The following SLC25A3 variants were observed in gnomAD, a reference collection of about 807,000 sequenced individuals.
SLC25A3 encodes solute carrier family 25 member 3, also known as phosphate transport protein.
SLC25A3 carries 14 observed loss-of-function variants against 37.1 expected under a neutral mutation model. The observed-to-expected ratio is 0.38, with a 90% CI of 0.25 to 0.59. SLC25A3 has a LOEUF of 0.59. Ranked by LOEUF, SLC25A3 falls within the 20% of genes least tolerant of loss-of-function variation. SLC25A3 has a pLI of 0.67. For synonymous variants in SLC25A3, 161 were observed against 168.7 expected, an observed-to-expected ratio of 0.95 and a Z score of 0.36; for missense variants, 385 against 458.1, an observed-to-expected ratio of 0.84 and a Z score of 1.46.
Position 98,601,606 on chromosome 12 carries a change from T to G in SLC25A3, c.*78T>G. On this transcript the variant is annotated 3_prime_UTR_variant, in exon 8 of 8. Coordinates refer to ENST00000552981, the MANE Select transcript of SLC25A3 (RefSeq NM_002635.4). Reference sequence around the variant, plus strand: ...AGTGCAAAAGGAACTTTTATATATTTGACAGTGTAGGAAATTGTCTATTCC... The same window carrying G: ...AGTGCAAAAGGAACTTTTATATATTGGACAGTGTAGGAAATTGTCTATTCC... 1 of 936,488 alleles carries G rather than the reference T, an allele frequency of 1.1e-6. No individual in the cohort carries two copies. The highest frequency in any genetic ancestry group is 1.7e-6 in the Non-Finnish European group (1 of 572,192). The allele number at this position is 936,488 out of a possible 1,614,324, so 58.0% of individuals were successfully genotyped here.
intron 4 of SLC25A3, 192 bp downstream of exon 4, chr12:98,598,227 C>T (rs2097594656): frequency 2.9e-6 from 2 of 680,904 alleles, no homozygotes; most frequent in Non-Finnish European, 4.9e-6. Flanking sequence ...TACAATTCTC[C>T]TTTTAATATA....
chr12:98,598,404 TATC>T, intron 4 of SLC25A3, 115 bp from the exon 5 acceptor site: 1 of 1,498,144 alleles, frequency 6.7e-7, no homozygotes, highest in Non-Finnish European at 9.1e-7. Flanking sequence ...ATATATTCCA[TATC>T]ATCGTGTGTT....
intron 5 of SLC25A3, 117 bp from the exon 6 acceptor site, chr12:98,599,838 A>G (rs753468565): frequency 9.7e-7 from 1 of 1,028,164 alleles, no homozygotes. Context: ...ACATGCATTT[A>G]TGCTGCCATT....
chr12:98,597,733 G>A (rs757124359), intron 3 of SLC25A3, 123 bp from the exon 4 acceptor site: 685 of 1,383,830 alleles, frequency 5.0e-4, no homozygotes, highest in Middle Eastern at 7.6e-4. Context: ...AGGAATTACT[G>A]TAGTTACCTT....
intron 2 of SLC25A3, 53 bp from the exon 3 acceptor site, chr12:98,595,674 C>T: frequency 6.2e-7 from 1 of 1,613,920 alleles, no homozygotes; most frequent in Non-Finnish European, 8.5e-7. Context: ...AAGTTTATGA[C>T]CAGTAACATG....
At chr12:98,595,620 T>C (rs764053764) in intron 2 of SLC25A3, 107 bp from the exon 3 acceptor site, 41 of 1,611,254 alleles carry the variant, frequency 2.5e-5, no homozygotes, top group South Asian at 1.1e-4. Context: ...TTATAAGATA[T>C]AGTCATCTAA....
intron 2 of SLC25A3, chr12:98,595,470 T>G: frequency 6.2e-7 from 1 of 1,613,746 alleles, no homozygotes; most frequent in Non-Finnish European, 8.5e-7. Context: ...GCAGATTCTT[T>G]ATCCTTTGTG....
chr12:98,594,926 C>T (rs186407289), intron 2 of SLC25A3: 4 of 184,568 alleles, frequency 2.2e-5, no homozygotes, highest in Admixed American at 1.6e-4. Flanking sequence ...TTTACACTAT[C>T]TGTCGTTCAG....
At position 98,601,076 on chromosome 12, in the gene SLC25A3, A is replaced by G. The variant is rs2097597471; in HGVS notation, c.815-95A>G. ...TGAGTCTGATTTTTATTTTAGAACT[A>G]GAAAAATATTATTTTAAAATCATAA... On this transcript the variant is annotated intron_variant, in intron 6 of 7. Transcript: ENST00000552981. 4 of 1,412,236 alleles carry G rather than the reference A, an allele frequency of 2.8e-6. No individual in the cohort carries two copies. In the African/African-American group the frequency reaches 5.7e-5, roughly 20 times the overall value. 87.5% of individuals were successfully genotyped at this position (1,412,236 alleles called of 1,614,324 possible).
rs781477215 is a variant in SLC25A3 at position 98,593,971 on chromosome 12, C to G, written c.-4-4C>G. 1.9e-6 allele frequency: 3 copies of G among 1,613,794 alleles called. No individual in the cohort carries two copies. The highest frequency in any genetic ancestry group is 2.2e-5 in the South Asian group (2 of 91,026). On this transcript the variant is annotated splice_region_variant and splice_polypyrimidine_tract_variant and intron_variant, in intron 1 of 7. Transcript: ENST00000552981. ...CCTCTAACCGTCGCTCCCTCCTCCCCTAGAAAGATGTTCTCGTCCGTGGCG... is the reference window on the plus strand; with the variant it reads ...CCTCTAACCGTCGCTCCCTCCTCCCGTAGAAAGATGTTCTCGTCCGTGGCG...
Position 98,595,844 on chromosome 12 carries a change from T to C in SLC25A3, c.275T>C (p.Met92Thr), listed in dbSNP as rs762724012. ...VVPLDLVKCRMQVDPQKYKGI... is the reference protein window; with the variant it reads ...VVPLDLVKCRTQVDPQKYKGI... ...CCCCTGGATTTAGTGAAATGCCGTA[T>C]GCAGGTTTGTATTGAGATGACAACA... Residue 92 changes from methionine to threonine, a missense_variant, in exon 3 of 8, where the codon ATG becomes ACG. By Grantham distance (81) the Met-to-Thr change is moderately conservative. This residue lies in a region of SLC25A3 where 276 missense variants were observed against 367.6 expected (regional missense o/e 0.75). Transcript: ENST00000552981. The C allele has an allele frequency of 1.1e-5, 18 of 1,613,624 alleles. No homozygotes were observed. The highest frequency in any genetic ancestry group is 1.5e-5 in the Non-Finnish European group (18 of 1,179,608).
Position 98,601,739 on chromosome 12 carries a change from TA to T in SLC25A3, c.*217del, listed in dbSNP as rs1274131565. ...CTGTGACTTATTTTTAAAACTTTTT[TA>T]AAAAAGATTTAGCTTTAAAATAGTT... On this transcript the variant is annotated 3_prime_UTR_variant, in exon 8 of 8. Coordinates refer to ENST00000552981, the MANE Select transcript of SLC25A3 (RefSeq NM_002635.4). 2.0e-5 allele frequency: 11 copies of T among 559,140 alleles called. No individual in the cohort carries two copies. The East Asian group carries it at 3.1e-4, about 16-fold the overall frequency. The allele number at this position is 559,140 out of a possible 1,614,324, so 34.6% of individuals were successfully genotyped here. A position where few individuals can be genotyped will look rare whatever the true frequency, so the allele number is the denominator to read the frequency against.
Position 98,604,478 on chromosome 12 carries a change from T to C in SLC25A3, c.*2950T>C. On this transcript the variant is annotated 3_prime_UTR_variant, in exon 8 of 8. Transcript: ENST00000552981. ...TAACTAAACCTCCATTGTGTGAAAG[T>C]TTTATGAAATGTTTTGACTTTTTTT... 1 of 147,210 alleles carries C rather than the reference T, an allele frequency of 6.8e-6. No individual in the cohort carries two copies. The allele number at this position is 147,210 out of a possible 1,614,324, so 9.1% of individuals were successfully genotyped here.
At chr12:98,598,154 A>G in intron 4 of SLC25A3, 119 bp downstream of exon 4, 1 of 963,224 alleles carries the variant, frequency 1.0e-6, no homozygotes. Context: ...CAAAGTGAGC[A>G]ACTTGTTTTA....
chr12:98,596,787 G>A (rs1489093356), intron 3 of SLC25A3, among the ~76,000 whole-genome samples: 1 of 152,186 alleles, frequency 6.6e-6, no homozygotes, highest in African/African-American at 2.4e-5. Context: ...GCCGAAGCAG[G>A]TGGGTCACTT....
At position 98,598,626 on chromosome 12, in the gene SLC25A3, A is replaced by G. The variant is rs1592977677; in HGVS notation, c.564A>G (p.Arg188=). ...CTCCTATGGAAGCTGCTAAGGTTCGAATTCAAACCCAGCCAGGTTATGCCA... is the reference window on the plus strand; with the variant it reads ...CTCCTATGGAAGCTGCTAAGGTTCGGATTCAAACCCAGCCAGGTTATGCCA... The part of the protein sequence containing the change: ...ALAPMEAAKV[R]IQTQPGYANT... Residue 188 remains arginine (R), a synonymous_variant, in exon 5 of 8, where the codon CGA becomes CGG. Coordinates refer to ENST00000552981, the MANE Select transcript of SLC25A3 (RefSeq NM_002635.4). 3 of 1,614,184 alleles carry G rather than the reference A, an allele frequency of 1.9e-6. No homozygotes were observed. The East Asian group carries it at 6.7e-5, about 36-fold the overall frequency.
chr12:98,598,288 C>T (rs1462850353), intron 4 of SLC25A3: 4 of 709,896 alleles, frequency 5.6e-6, no homozygotes, highest in African/African-American at 1.8e-5. Flanking sequence ...GAGAAGGGCT[C>T]TGGGACTCCT....
rs1178659965 is a variant in SLC25A3 at position 98,598,508 on chromosome 12, GT to G, written c.460-10del. The G allele has an allele frequency of 6.2e-7, 1 of 1,612,094 alleles. No homozygotes were observed. The highest frequency in any genetic ancestry group is 1.7e-5 in the Admixed American group (1 of 60,024). On this transcript the variant is annotated splice_polypyrimidine_tract_variant and intron_variant, in intron 4 of 7. Coordinates refer to ENST00000552981, the MANE Select transcript of SLC25A3 (RefSeq NM_002635.4). ...ACAGCAATTCACATCCCTTCCTTGT[GT>G]TTTGGATTTTAGGAGAATACTTATC...
intron 3 of SLC25A3, among the ~76,000 whole-genome samples, chr12:98,597,117 C>CT (rs2097593654): frequency 6.6e-6 from 1 of 152,154 alleles, no homozygotes; most frequent in South Asian, 2.1e-4. Flanking sequence ...ATTTTACCCT[C>CT]TTAACTATCA....
Sources: gnomAD v4.1 joint callset for allele counts (sites outside exome capture counted in the v4.1 genomes callset) on GRCh38, gnomAD v4.1.1 for gene constraint, gnomAD v4.1.1 regional missense constraint, MANE v1.5 for transcripts, NCBI Gene and HGNC (gene_info 2026-07-23, HGNC 2026-07-21) for gene names.